Variants in CEP295 observed in about 807,000 individuals in gnomAD.
CEP295 encodes centrosomal protein of 295 kDa.
Under a neutral mutation model 291.6 loss-of-function variants are expected in CEP295, and 190 were observed. The observed-to-expected ratio is 0.65, with a 90% CI of 0.58 to 0.73. The LOEUF is 0.73. Among genes scored for constraint, CEP295 ranks in the 30% least tolerant of loss-of-function variants. The probability of loss-of-function intolerance (pLI) is 0.00; values close to 1 mark genes in which losing one functional copy is unlikely to be tolerated. For missense variants in CEP295, 2,863 were observed against 2,949.4 expected (o/e 0.97, Z 0.68); for synonymous variants, 993 against 1,038.8 (o/e 0.96, Z 0.85).
chr11:93,702,492 A>C lies in CEP295; in HGVS notation c.5307A>C (p.Lys1769Asn), dbSNP rs578242554. ...AGCCCACAGTTGAAAATGATTTAAA[A>C]ACCCAGAAGATGGGGCAGCTCAGAG... Reference protein sequence around the residue: ...ISKPTVENDLKTQKMGQLRDW... With the variant: ...ISKPTVENDLNTQKMGQLRDW... The change falls in exon 16 of 30, where the codon AAA becomes AAC. Residue 1769 changes from lysine (K) to asparagine (N), a missense_variant. By Grantham distance (94) the Lys-to-Asn change is moderately conservative. This residue lies in a region of CEP295 where 2,295 missense variants were observed against 2,335.7 expected (regional missense o/e 0.98). Coordinates refer to ENST00000325212, the MANE Select transcript of CEP295 (RefSeq NM_033395.2). The C allele has an allele frequency of 6.5e-7, 1 of 1,539,984 alleles. No individual in the cohort carries two copies. The highest frequency in any genetic ancestry group is 1.4e-5 in the African/African-American group (1 of 72,330).
chr11:93,696,761 G>A lies in CEP295; in HGVS notation c.1849G>A (p.Val617Met), dbSNP rs1206537709. 1.3e-6 allele frequency: 2 copies of A among 1,551,376 alleles called. No individual in the cohort carries two copies. The highest frequency in any genetic ancestry group is 1.7e-4 in the Middle Eastern group (1 of 6,014). The change falls in exon 15 of 30, where the codon GTG becomes ATG. Residue 617 changes from valine (V) to methionine (M), a missense_variant. Physicochemically the swap from Val to Met is conservative, Grantham distance 21. Coordinates refer to ENST00000325212, the MANE Select transcript of CEP295 (RefSeq NM_033395.2). The part of the protein sequence containing the change: ...QTMLKGRCPS[V>M]SAPSLITDSV... ...TATGTTAAAAGGAAGGTGCCCATCG[G>A]TGTCAGCTCCATCATTGATAACTGA...
Position 93,702,540 on chromosome 11 carries a change from C to A in CEP295, c.5355C>A (p.Asp1785Glu), listed in dbSNP as rs1952233909. ...QLRDWFPNTQ[D>E]LAGNDQENIR... ...GAGACTGGTTTCCTAATACACAAGA[C>A]CTAGCAGGAAATGATCAAGAAAATA... Residue 1785 changes from aspartate (D) to glutamate (E), a missense_variant, in exon 16 of 30, where the codon GAC becomes GAA. Asp to Glu is a conservative substitution (Grantham distance 45, BLOSUM62 2). This residue lies in a region of CEP295 where 2,295 missense variants were observed against 2,335.7 expected (regional missense o/e 0.98). Coordinates refer to ENST00000325212, the MANE Select transcript of CEP295 (RefSeq NM_033395.2). The A allele has an allele frequency of 1.3e-6, 2 of 1,550,612 alleles. No homozygotes were observed. Among genetic ancestry groups the A allele is most frequent in the African/African-American group, 1.4e-5 (1 of 72,932 alleles).
At chr11:93,724,150 GT>G (rs1197945494) in intron 21 of CEP295, 103 bp from the exon 22 acceptor site, 8 of 1,075,998 alleles carry the variant, frequency 7.4e-6, no homozygotes, top group Middle Eastern at 2.5e-4. Flanking sequence ...GAAAATAAGC[GT>G]TTATGAATAT....
Position 93,699,783 on chromosome 11 carries a change from T to A in CEP295, c.4871T>A (p.Leu1624Gln). 6.4e-7 allele frequency: 1 copy of A among 1,552,226 alleles called. No homozygotes were observed. Among genetic ancestry groups the A allele is most frequent in the Non-Finnish European group, 8.7e-7 (1 of 1,147,102 alleles). Residue 1624 changes from leucine (L) to glutamine (Q), a missense_variant, in exon 15 of 30, where the codon CTG (leucine) becomes CAG (glutamine). Physicochemically the swap from Leu to Gln is moderately radical, Grantham distance 113. Around this residue, in one of 3 missense-constraint regions of CEP295, gnomAD observed 2,295 missense variants for 2,335.7 expected, o/e 0.98. Transcript: ENST00000325212. The part of the protein sequence containing the change: ...MYSYEKPQEE[L>Q]SLNKQRKLNK... ...TCTTATGAGAAACCCCAGGAAGAAC[T>A]GTCTTTAAACAAACAAAGAAAGTTG...
Position 93,696,694 on chromosome 11 carries a change from G to A in CEP295, c.1782G>A (p.Gln594=). The change falls in exon 15 of 30, where the codon CAG becomes CAA. Residue 594 remains glutamine (Q), a synonymous_variant. Transcript: ENST00000325212. ...QLLQQNRLHR[Q]SVETARKQLL... is the part of the protein sequence containing the mutation. ...TTGTTTTTGGTAGGTTACACAGGCA[G>A]TCTGTTGAAACAGCCAGGAAACAAT... 6.5e-7 allele frequency: 1 copy of A among 1,545,866 alleles called. No homozygotes were observed. Among genetic ancestry groups the A allele is most frequent in the Non-Finnish European group, 8.7e-7 (1 of 1,144,066 alleles).
intron 6 of CEP295, among the ~76,000 whole-genome samples, chr11:93,679,076 C>T (rs1950838833): frequency 6.6e-6 from 1 of 152,134 alleles, no homozygotes; most frequent in African/African-American, 2.4e-5. Flanking sequence ...AGGCTGACCT[C>T]AGGTGATCCA....
chr11:93,698,427 T>G lies in CEP295; in HGVS notation c.3515T>G (p.Ile1172Arg). Residue 1172 changes from isoleucine to arginine, a missense_variant, in exon 15 of 30, where the codon ATA becomes AGA. Ile to Arg is a moderately conservative substitution (Grantham distance 97). This residue lies in a region of CEP295 where 2,295 missense variants were observed against 2,335.7 expected (regional missense o/e 0.98). Transcript: ENST00000325212. Reference protein sequence around the residue: ...NLTILQEQSQIQRVILGAKEG... With the variant: ...NLTILQEQSQRQRVILGAKEG... The stretch of plus-strand genomic sequence containing the variant: ...ACAATACTCCAAGAACAGTCACAAA[T>G]ACAAAGGGTAATACTTGGTGCTAAA... 1.9e-6 allele frequency: 3 copies of G among 1,552,042 alleles called. No individual in the cohort carries two copies. Among genetic ancestry groups the G allele is most frequent in the Non-Finnish European group, 2.6e-6 (3 of 1,147,066 alleles).
intron 15 of CEP295, among the ~76,000 whole-genome samples, chr11:93,701,557 T>G (rs940710571): frequency 2.0e-5 from 3 of 152,234 alleles, no homozygotes; most frequent in South Asian, 2.1e-4. Flanking sequence ...TAATCTCTTA[T>G]GGAAAGATGA....
chr11:93,692,989 A>G (rs570884597), intron 12 of CEP295, among the ~76,000 whole-genome samples: 248 of 146,440 alleles, frequency 1.7e-3, no homozygotes, highest in Admixed American at 3.4e-3. Context: ...AAAAAAAAAA[A>G]ACAAAAGGCC....
chr11:93,722,381 G>A (rs1352568607), intron 20 of CEP295: 4 of 228,722 alleles, frequency 1.7e-5, no homozygotes, highest in Non-Finnish European at 2.6e-5. Flanking sequence ...GGGATCGCTT[G>A]AGCCTGGGAG....
intron 18 of CEP295, among the ~76,000 whole-genome samples, chr11:93,712,502 C>G (rs1360351579): frequency 1.3e-5 from 2 of 152,208 alleles, no homozygotes; most frequent in Non-Finnish European, 2.9e-5. Context: ...AATCCACCCA[C>G]TTAGACCTCC....
At position 93,699,955 on chromosome 11, in the gene CEP295, C is replaced by G. The variant is rs1211041910; in HGVS notation, c.5043C>G (p.Pro1681=). 1.3e-6 allele frequency: 2 copies of G among 1,551,748 alleles called. No homozygotes were observed. The highest frequency in any genetic ancestry group is 1.4e-5 in the African/African-American group (1 of 73,162). ...LYSSQNEHAA[P]PSNPVIPGFQ... ...CATCCCAGAATGAACATGCAGCCCC[C>G]CCAAGTAATCCTGTGATCCCAGGGT... The change falls in exon 15 of 30, where the codon CCC becomes CCG. Residue 1681 remains proline, a synonymous_variant. Transcript: ENST00000325212.
At position 93,727,408 on chromosome 11, in the gene CEP295, A is replaced by G. The variant is rs960625677; in HGVS notation, c.6932A>G (p.Asp2311Gly). The G allele has an allele frequency of 1.9e-6, 3 of 1,551,428 alleles. No individual in the cohort carries two copies. The highest frequency in any genetic ancestry group is 2.6e-6 in the Non-Finnish European group (3 of 1,146,760). ...DNKNETCRVLDINPQVEETDS... is the reference protein window; with the variant it reads ...DNKNETCRVLGINPQVEETDS... ...AAAAATGAAACCTGTAGGGTTTTAGACATAAATCCACAGGTAGAGGAAACT... is the reference window on the plus strand; with the variant it reads ...AAAAATGAAACCTGTAGGGTTTTAGGCATAAATCCACAGGTAGAGGAAACT... The change falls in exon 24 of 30, where the codon GAC becomes GGC. Residue 2311 changes from aspartate to glycine, a missense_variant. Around this residue, in one of 3 missense-constraint regions of CEP295, gnomAD observed 2,295 missense variants for 2,335.7 expected, o/e 0.98. Transcript: ENST00000325212.
At chr11:93,673,675 T>G (rs1950552974) in intron 5 of CEP295, among the ~76,000 whole-genome samples, 1 of 151,968 alleles carries the variant, frequency 6.6e-6, no homozygotes, top group Non-Finnish European at 1.5e-5. Flanking sequence ...TGATTTTTAG[T>G]AGAGAAGGGG....
chr11:93,684,649 G>A (rs530475599), intron 9 of CEP295, among the ~76,000 whole-genome samples: 1 of 152,244 alleles, frequency 6.6e-6, no homozygotes, highest in South Asian at 2.1e-4. Flanking sequence ...TTAGGAAAAG[G>A]GTACTAAGTG....
intron 25 of CEP295, chr11:93,729,041 C>T (rs186880054): frequency 9.4e-6 from 5 of 530,694 alleles, no homozygotes; most frequent in Admixed American, 7.1e-5. Flanking sequence ...GTCTCCAAGA[C>T]TGGCAGAACT....
chr11:93,674,421 C>T (rs1032256522), intron 5 of CEP295, among the ~76,000 whole-genome samples: 10 of 152,144 alleles, frequency 6.6e-5, no homozygotes, highest in Non-Finnish European at 1.2e-4. Context: ...ATTGAATTAG[C>T]CAGGCATGGT....
At chr11:93,670,389 A>AT (rs138290534) in intron 5 of CEP295, among the ~76,000 whole-genome samples, 7 of 21,936 alleles carry the variant, frequency 3.2e-4, no homozygotes, top group African/African-American at 3.9e-4. Flanking sequence ...TTTGAAGCTT[A>AT]TTTTTTTTAA....
Position 93,698,813 on chromosome 11 carries a change from A to G in CEP295, c.3901A>G (p.Thr1301Ala), listed in dbSNP as rs1363791485. 1 of 1,551,746 alleles carries G rather than the reference A, an allele frequency of 6.4e-7. No homozygotes were observed. Among genetic ancestry groups the G allele is most frequent in the Admixed American group, 2.0e-5 (1 of 51,000 alleles). ...FIPQLVQLSF[T>A]SLASAESGTI... ...ACCCCAGTTGGTACAGCTTTCATTTACTTCGTTAGCTTCAGCTGAGTCTGG... is the reference window on the plus strand; with the variant it reads ...ACCCCAGTTGGTACAGCTTTCATTTGCTTCGTTAGCTTCAGCTGAGTCTGG... Residue 1301 changes from threonine to alanine, a missense_variant, in exon 15 of 30, where the codon ACT (threonine) becomes GCT (alanine). This residue lies in a region of CEP295 where 2,295 missense variants were observed against 2,335.7 expected (regional missense o/e 0.98). Coordinates refer to ENST00000325212, the MANE Select transcript of CEP295 (RefSeq NM_033395.2).
Sources: allele counts gnomAD v4.1 joint callset (sites outside exome capture counted in the v4.1 genomes callset), GRCh38; gene constraint gnomAD v4.1.1; regional missense constraint gnomAD v4.1.1; transcripts MANE v1.5; gene names NCBI Gene and HGNC (gene_info 2026-07-23, HGNC 2026-07-21).